Variants in SHC3 observed in about 807,000 individuals in gnomAD.
SHC3 encodes the protein SHC adaptor protein 3, also known as SHC-transforming protein 3.
Under a neutral mutation model 60.4 loss-of-function variants are expected in SHC3, and 15 were observed. That is an observed-to-expected ratio of 0.25 (90% CI 0.17 to 0.38). SHC3 has a LOEUF of 0.38. SHC3 is among the 10% of genes least tolerant of loss of function. The pLI is 1.00. For synonymous variants in SHC3, 294 were observed against 325.9 expected, an observed-to-expected ratio of 0.90 and a Z score of 1.05; for missense variants, 677 against 786.1, an observed-to-expected ratio of 0.86 and a Z score of 1.66.
At chr9:89,122,860 G>T (rs925088807) in intron 1 of SHC3, among the ~76,000 whole-genome samples, 1 of 152,184 alleles carries the variant, frequency 6.6e-6, no homozygotes, top group Non-Finnish European at 1.5e-5. Flanking sequence ...GTTACCAAGG[G>T]ATGGGCTTGC....
rs1826026557 is a variant in SHC3 at position 89,012,602 on chromosome 9, T to C, written c.*845A>G. On this transcript the variant is annotated 3_prime_UTR_variant, in exon 12 of 12. Coordinates refer to ENST00000375835, the MANE Select transcript of SHC3 (RefSeq NM_016848.6). ...CTAGAGGGAGACACAAACCAGGAATTTGCCCCGACCACCCTTCTACAAATA... is the reference window on the plus strand; with the variant it reads ...CTAGAGGGAGACACAAACCAGGAATCTGCCCCGACCACCCTTCTACAAATA... The C allele has an allele frequency of 6.6e-6, 1 of 152,108 alleles. No homozygotes were observed. 9.4% of individuals were successfully genotyped at this position (152,108 alleles called of 1,614,324 possible).
At chr9:89,027,314 G>T (rs1237707932) in intron 11 of SHC3, among the ~76,000 whole-genome samples, 3 of 135,534 alleles carry the variant, frequency 2.2e-5, no homozygotes, top group Non-Finnish European at 4.8e-5. Flanking sequence ...AACTAGTGAT[G>T]GGTGAAATTC....
chr9:89,007,157 G>T lies in SHC3; in HGVS notation c.*6290C>A, dbSNP rs1825951200. 1 of 152,224 alleles carries T rather than the reference G, an allele frequency of 6.6e-6. No homozygotes were observed. Among genetic ancestry groups the T allele is most frequent in the South Asian group, 2.1e-4 (1 of 4,828 alleles). 9.4% of individuals were successfully genotyped at this position (152,224 alleles called of 1,614,324 possible). A position where few individuals can be genotyped will look rare whatever the true frequency, so the allele number is the denominator to read the frequency against. Reference sequence around the variant, plus strand: ...GAGCATCTGTGACAGCCAGGAGGAGGAAAGAAGGGAGGCTGGGATCACCTC... The same window carrying T: ...GAGCATCTGTGACAGCCAGGAGGAGTAAAGAAGGGAGGCTGGGATCACCTC... On this transcript the variant is annotated 3_prime_UTR_variant, in exon 12 of 12. Coordinates refer to ENST00000375835, the MANE Select transcript of SHC3 (RefSeq NM_016848.6).
At chr9:89,148,381 C>A (rs1023150960) in intron 1 of SHC3, among the ~76,000 whole-genome samples, 6 of 152,194 alleles carry the variant, frequency 3.9e-5, no homozygotes, top group Non-Finnish European at 8.8e-5. Context: ...CTATTTATAA[C>A]CTCCTGTGAC....
At chr9:89,111,506 G>A (rs1478176111) in intron 2 of SHC3, among the ~76,000 whole-genome samples, 1 of 151,982 alleles carries the variant, frequency 6.6e-6, no homozygotes, top group Non-Finnish European at 1.5e-5. Context: ...ATATGTGGAG[G>A]TGGATTCCTT....
intron 1 of SHC3, among the ~76,000 whole-genome samples, chr9:89,145,817 G>A (rs549631913): frequency 2.1e-4 from 32 of 152,282 alleles, no homozygotes; most frequent in Admixed American, 6.5e-4. Context: ...AAGAAAGAAC[G>A]AGACAACAAT....
chr9:89,127,516 C>G (rs1360344159), intron 1 of SHC3, among the ~76,000 whole-genome samples: 1 of 152,026 alleles, frequency 6.6e-6, no homozygotes, highest in East Asian at 1.9e-4. Context: ...CTCATGAAAC[C>G]CCAGGAATTA....
chr9:89,170,934 T>C (rs892830232), intron 1 of SHC3, among the ~76,000 whole-genome samples: 1 of 152,182 alleles, frequency 6.6e-6, no homozygotes, highest in African/African-American at 2.4e-5. Flanking sequence ...AATTTTGGTA[T>C]CCATGGGGTT....
chr9:89,140,200 G>C (rs1447648843), intron 1 of SHC3, among the ~76,000 whole-genome samples: 1 of 152,132 alleles, frequency 6.6e-6, no homozygotes, highest in Admixed American at 6.5e-5. Flanking sequence ...CATGACAGAA[G>C]AAGACCCAGT....
chr9:89,145,590 A>G (rs138682375), intron 1 of SHC3, among the ~76,000 whole-genome samples: 10 of 152,388 alleles, frequency 6.6e-5, no homozygotes, highest in Admixed American at 6.5e-4. Context: ...CATCAAATAC[A>G]AAGTACAGAA....
chr9:89,105,372 T>C (rs79914228), intron 2 of SHC3, among the ~76,000 whole-genome samples: 3,288 of 152,276 alleles, frequency 0.022, 49 homozygotes, highest in Non-Finnish European at 0.034. Context: ...TGTATCCTCA[T>C]CCCCAAAATA....
chr9:89,149,751 G>A (rs993994680), intron 1 of SHC3, among the ~76,000 whole-genome samples: 2 of 152,144 alleles, frequency 1.3e-5, no homozygotes, highest in African/African-American at 4.8e-5. Context: ...CCCCTTATTT[G>A]TAGTTTCACT....
intron 1 of SHC3, among the ~76,000 whole-genome samples, chr9:89,125,952 T>C (rs933084242): frequency 2.0e-5 from 3 of 152,184 alleles, no homozygotes; most frequent in Admixed American, 2.0e-4. Flanking sequence ...TTCCTTTACT[T>C]TCTTAATAAA....
intron 9 of SHC3, among the ~76,000 whole-genome samples, chr9:89,042,402 A>G (rs1210111421): frequency 6.6e-6 from 1 of 152,160 alleles, no homozygotes; most frequent in East Asian, 1.9e-4. Flanking sequence ...CTGCCAGCCA[A>G]TGTCAGGGTG....
At chr9:89,098,034 A>G (rs1002574149) in intron 2 of SHC3, among the ~76,000 whole-genome samples, 2 of 152,212 alleles carry the variant, frequency 1.3e-5, no homozygotes, top group African/African-American at 4.8e-5. Context: ...CAGTGACATC[A>G]TGTACCTCCA....
At position 89,167,484 on chromosome 9, in the gene SHC3, G is replaced by A. The variant is rs529514954; in HGVS notation, c.474+10503C>T. Among the ~76,000 whole-genome samples, 23 of 152,314 alleles carry A rather than the reference G, an allele frequency of 1.5e-4. No individual in the cohort carries two copies. In the South Asian group the frequency reaches 4.8e-3, roughly 32 times the overall value. On this transcript the variant is annotated intron_variant, in intron 1 of 11. Coordinates refer to ENST00000375835, the MANE Select transcript of SHC3 (RefSeq NM_016848.6). ...AGTCATATGGATGTGGAAAGTCAGA[G>A]GATGAAAGGAGGCTTCTCAGCATGT... is the stretch of plus-strand genomic sequence containing the variant.
intron 2 of SHC3, among the ~76,000 whole-genome samples, chr9:89,111,001 C>A (rs551032115): frequency 6.6e-6 from 1 of 152,184 alleles, no homozygotes; most frequent in Non-Finnish European, 1.5e-5. Flanking sequence ...CACCCCACCA[C>A]TACCCCAAGG....
At position 89,153,954 on chromosome 9, in the gene SHC3, C is replaced by A. The variant is rs1022538949; in HGVS notation, c.474+24033G>T. 5.9e-5 allele frequency among the ~76,000 whole-genome samples: 9 copies of A among 152,118 alleles called. No individual in the cohort carries two copies. The East Asian group carries it at 1.7e-3, about 29-fold the overall frequency. ...CAGACATTCCCTTCGTTCCTCCTGACGACCTTATAAACAGAGTGCTGCCGT... is the reference window on the plus strand; with the variant it reads ...CAGACATTCCCTTCGTTCCTCCTGAAGACCTTATAAACAGAGTGCTGCCGT... On this transcript the variant is annotated intron_variant, in intron 1 of 11. Transcript: ENST00000375835.
At chr9:89,019,802 A>T (rs1186041491) in intron 11 of SHC3, among the ~76,000 whole-genome samples, 3 of 152,256 alleles carry the variant, frequency 2.0e-5, no homozygotes, top group Admixed American at 2.0e-4. Flanking sequence ...AGGAATACTC[A>T]ATATTGTCAA....
Sources: allele counts gnomAD v4.1 joint callset (sites outside exome capture counted in the v4.1 genomes callset), GRCh38; gene constraint gnomAD v4.1.1; transcripts MANE v1.5; gene names NCBI Gene and HGNC (gene_info 2026-07-23, HGNC 2026-07-21).